MTMR6: variants seen among roughly 807,000 people sequenced by gnomAD.
MTMR6 encodes phosphatidylinositol-3,5-bisphosphate 3-phosphatase MTMR6.
In MTMR6, 47 loss-of-function variants were observed where a neutral mutation model predicts 80.1. That is an observed-to-expected ratio of 0.59 (90% CI 0.46 to 0.75). The LOEUF (loss-of-function observed/expected upper bound fraction) is 0.75, where lower values mean the gene tolerates loss of function less well. MTMR6 is among the 30% of genes least tolerant of loss of function. MTMR6 has a pLI of 0.00. For synonymous variants in MTMR6, 254 were observed against 253.0 expected, an observed-to-expected ratio of 1.00 and a Z score of -0.04; for missense variants, 629 against 730.9, an observed-to-expected ratio of 0.86 and a Z score of 1.61.
chr13:25,269,606 C>A (rs1183423215), intron 2 of MTMR6, among the ~76,000 whole-genome samples: 6 of 151,928 alleles, frequency 3.9e-5, no homozygotes, highest in Non-Finnish European at 8.8e-5. Context: ...TTTAAAAATT[C>A]CAATCTGCTT....
At chr13:25,272,348 CAG>C (rs1957597426) in intron 2 of MTMR6, among the ~76,000 whole-genome samples, 1 of 152,090 alleles carries the variant, frequency 6.6e-6, no homozygotes, top group African/African-American at 2.4e-5. Context: ...AAATAAAAAA[CAG>C]AGAAGACAAG....
intron 1 of MTMR6, among the ~76,000 whole-genome samples, chr13:25,285,521 T>C (rs1362735208): frequency 6.8e-6 from 1 of 147,652 alleles, no homozygotes; most frequent in Non-Finnish European, 1.5e-5. Context: ...TACAGGTACA[T>C]ACCACCCCAC....
At position 25,248,823 on chromosome 13, in the gene MTMR6, T is replaced by TA. The variant is rs1957028957; in HGVS notation, c.*408dup. 1 of 156,344 alleles carries TA rather than the reference T, an allele frequency of 6.4e-6. No homozygotes were observed. The highest frequency in any genetic ancestry group is 2.0e-4 in the South Asian group (1 of 4,902). 9.7% of individuals were successfully genotyped at this position (156,344 alleles called of 1,614,324 possible). On this transcript the variant is annotated 3_prime_UTR_variant, in exon 14 of 14. Transcript: ENST00000381801. ...GGCAAAATATGTAAATATTCATAGT[T>TA]ACAAAGCTACATAATTGAAAGTACA... is the stretch of plus-strand genomic sequence containing the variant.
chr13:25,250,927 A>G (rs1957071564), intron 13 of MTMR6, among the ~76,000 whole-genome samples: 1 of 152,216 alleles, frequency 6.6e-6, no homozygotes, highest in East Asian at 1.9e-4. Flanking sequence ...TAAGTCAAGA[A>G]AAACAGTATT....
rs527975693 is a variant in MTMR6, at chr13:25,251,399, T to C, written c.1605+250A>G. On this transcript the variant is annotated intron_variant, in intron 13 of 13. Coordinates refer to ENST00000381801, the MANE Select transcript of MTMR6 (RefSeq NM_004685.5). This position sits in a 1 kb window ranked among gnomAD's most constrained non-coding sequence, Gnocchi z 4.1. ...ATGTTAAAATCCCACAAAAGCTAGC[T>C]GGTGGGTACACAGATAGTTATTATG... Among the ~76,000 whole-genome samples the C allele has an allele frequency of 3.9e-5, 6 of 152,312 alleles. No individual in the cohort carries two copies. Among genetic ancestry groups the C allele is most frequent in the African/African-American group, 9.6e-5 (4 of 41,572 alleles).
At chr13:25,282,871 G>A (rs1957886199) in intron 1 of MTMR6, among the ~76,000 whole-genome samples, 1 of 151,996 alleles carries the variant, frequency 6.6e-6, no homozygotes, top group Admixed American at 6.6e-5. Flanking sequence ...CTCCCAAAGT[G>A]CTAGGATTAC....
At chr13:25,260,575 C>G (rs761708864) in intron 6 of MTMR6, 6 of 1,275,852 alleles carry the variant, frequency 4.7e-6, no homozygotes, top group Non-Finnish European at 6.1e-6. Flanking sequence ...ATTGCTCACT[C>G]GCTTTTTCTC....
chr13:25,252,014 T>C (rs748650975), intron 11 of MTMR6, 30 bp from the exon 12 acceptor site: 3 of 1,592,858 alleles, frequency 1.9e-6, no homozygotes, highest in Non-Finnish European at 1.7e-6. Flanking sequence ...CACAGAGATC[T>C]TTCCTATAGA....
intron 5 of MTMR6, among the ~76,000 whole-genome samples, chr13:25,264,826 A>G (rs184691657): frequency 6.6e-6 from 1 of 150,912 alleles, no homozygotes; most frequent in Non-Finnish European, 1.5e-5. Flanking sequence ...TCTCAGAGAA[A>G]ACAAAATCAG....
chr13:25,281,197 C>T (rs1373940804), intron 1 of MTMR6, among the ~76,000 whole-genome samples: 2 of 152,038 alleles, frequency 1.3e-5, no homozygotes, highest in East Asian at 3.9e-4. Context: ...ATTAGCCAGG[C>T]ATGGTGGCAT....
In MTMR6 at chr13:25,251,806, G is replaced by A. The variant is rs576112454; in HGVS notation, c.1479-31C>T. ...TGACAAAAAAAAGTTTCAATAAATT[G>A]TGTTTGAGAAAATTCAAGTATAAAT... On this transcript the variant is annotated intron_variant, in intron 12 of 13. Transcript: ENST00000381801. This position sits in a 1 kb window ranked among gnomAD's most constrained non-coding sequence, Gnocchi z 4.1. 5.6e-6 allele frequency: 9 copies of A among 1,602,126 alleles called. No individual in the cohort carries two copies. The South Asian group carries it at 8.0e-5, about 14-fold the overall frequency.
intron 1 of MTMR6, among the ~76,000 whole-genome samples, chr13:25,284,305 A>T (rs1957914899): frequency 6.6e-6 from 1 of 152,134 alleles, no homozygotes; most frequent in Non-Finnish European, 1.5e-5. Context: ...ATCTCTTGTG[A>T]ACTAATTGAG....
In MTMR6 at chr13:25,248,505, A is replaced by G. The variant is rs561799293; in HGVS notation, c.*727T>C. On this transcript the variant is annotated 3_prime_UTR_variant, in exon 14 of 14. Coordinates refer to ENST00000381801, the MANE Select transcript of MTMR6 (RefSeq NM_004685.5). ...AATAAATTATCAAATGTAGCACTAA[A>G]CAAATTATGATCAGAATAAACCTTC... 6.4e-4 allele frequency: 98 copies of G among 152,296 alleles called. No individual in the cohort carries two copies. Among genetic ancestry groups the G allele is most frequent in the African/African-American group, 2.3e-3 (94 of 41,578 alleles). 9.4% of individuals were successfully genotyped at this position (152,296 alleles called of 1,614,324 possible).
At chr13:25,250,610 C>T (rs1870340824) in intron 13 of MTMR6, among the ~76,000 whole-genome samples, 2 of 152,108 alleles carry the variant, frequency 1.3e-5, no homozygotes, top group Non-Finnish European at 2.9e-5. Flanking sequence ...AAACTGAAAA[C>T]AATTTAAATA....
chr13:25,283,717 C>T (rs117750305), intron 1 of MTMR6, among the ~76,000 whole-genome samples: 1,962 of 152,318 alleles, frequency 0.013, 66 homozygotes, highest in Admixed American at 0.075. Flanking sequence ...TTCTTCCATT[C>T]CATTCAGTAA....
intron 1 of MTMR6, among the ~76,000 whole-genome samples, chr13:25,277,894 T>G (rs1232394396): frequency 6.6e-6 from 1 of 151,696 alleles, no homozygotes; most frequent in Non-Finnish European, 1.5e-5. Flanking sequence ...TCCAACACTC[T>G]AAGCCTATTT....
intron 6 of MTMR6, chr13:25,260,495 T>C (rs1018886455): frequency 5.4e-6 from 3 of 556,690 alleles, no homozygotes; most frequent in Non-Finnish European, 8.0e-6. Context: ...AATTGCATAA[T>C]GATGAGAATC....
At chr13:25,274,238 T>C in intron 1 of MTMR6, 51 bp from the exon 2 acceptor site, 1 of 1,294,712 alleles carries the variant, frequency 7.7e-7, no homozygotes, top group African/African-American at 1.5e-5. Flanking sequence ...TATAAATTAT[T>C]TTTCTGTTAG....
intron 5 of MTMR6, among the ~76,000 whole-genome samples, chr13:25,263,034 C>G (rs1957374035): frequency 6.6e-6 from 1 of 152,200 alleles, no homozygotes; most frequent in African/African-American, 2.4e-5. Flanking sequence ...TCTGCTCCTT[C>G]CCAAAATCCA....
Sources: allele counts gnomAD v4.1 joint callset (sites outside exome capture counted in the v4.1 genomes callset), GRCh38; gene constraint gnomAD v4.1.1; non-coding constraint Gnocchi (gnomAD v3.1); transcripts MANE v1.5; gene names NCBI Gene and HGNC (gene_info 2026-07-23, HGNC 2026-07-21).